Variants in NRXN1 observed in about 807,000 individuals in gnomAD.
The protein encoded by NRXN1 is neurexin 1.
NRXN1 carries 39 observed loss-of-function variants against 150.9 expected under a neutral mutation model. That is an observed-to-expected ratio of 0.26 (90% CI 0.20 to 0.34). The LOEUF is 0.34. Among genes scored for constraint, NRXN1 ranks in the 10% least tolerant of loss-of-function variants. NRXN1 has a pLI of 1.00. For missense variants in NRXN1, 1,815 were observed against 1,949.9 expected (o/e 0.93, Z 1.30); for synonymous variants, 924 against 757.0 (o/e 1.22, Z -3.62).
At chr2:50,422,740 G>T in intron 17 of NRXN1, among the ~76,000 whole-genome samples, 1 of 152,124 alleles carries the variant, frequency 6.6e-6, no homozygotes, top group Non-Finnish European at 1.5e-5. Flanking sequence ...CTGCTTAACC[G>T]TAGCAACCAG....
chr2:50,063,804 T>C (rs1218480940), intron 19 of NRXN1, among the ~76,000 whole-genome samples: 1 of 152,122 alleles, frequency 6.6e-6, no homozygotes, highest in Non-Finnish European at 1.5e-5. Flanking sequence ...GCAGGAACCA[T>C]GTCTGTCTTG....
intron 17 of NRXN1, among the ~76,000 whole-genome samples, chr2:50,418,350 C>T (rs1253039252): frequency 2.0e-5 from 3 of 152,058 alleles, no homozygotes; most frequent in Non-Finnish European, 4.4e-5. Context: ...CATTCCTCAA[C>T]ACATGGTGTA....
At chr2:50,507,493 G>A (rs2105008377) in intron 12 of NRXN1, among the ~76,000 whole-genome samples, 1 of 152,196 alleles carries the variant, frequency 6.6e-6, no homozygotes, top group South Asian at 2.1e-4. Context: ...TGGGCAAGAA[G>A]TATAACTGGG....
intron 19 of NRXN1, among the ~76,000 whole-genome samples, chr2:50,060,604 T>C (rs1305794745): frequency 2.0e-5 from 3 of 152,146 alleles, no homozygotes; most frequent in Non-Finnish European, 2.9e-5. Flanking sequence ...AAATCTCATC[T>C]TGAATTCTAG....
chr2:50,344,062 T>C (rs1273261044), intron 17 of NRXN1, among the ~76,000 whole-genome samples: 1 of 152,180 alleles, frequency 6.6e-6, no homozygotes, highest in African/African-American at 2.4e-5. Context: ...AAGGGTTCTT[T>C]ACTTGTGGGT....
chr2:50,999,589 C>T (rs1188510911), intron 2 of NRXN1, among the ~76,000 whole-genome samples: 1 of 151,956 alleles, frequency 6.6e-6, no homozygotes, highest in Non-Finnish European at 1.5e-5. Context: ...TACTCTGTCC[C>T]TTTATTTCTC....
chr2:49,940,953 TGAAA>T (rs1671872110), intron 22 of NRXN1, among the ~76,000 whole-genome samples: 1 of 152,048 alleles, frequency 6.6e-6, no homozygotes, highest in African/African-American at 2.4e-5. Context: ...AGGGACAAAC[TGAAA>T]GAGAGGAGAA....
intron 18 of NRXN1, among the ~76,000 whole-genome samples, chr2:50,190,707 A>G (rs1252027628): frequency 2.7e-5 from 4 of 149,808 alleles, no homozygotes; most frequent in African/African-American, 7.4e-5. Flanking sequence ...CCACCTCCCA[A>G]GTTCAAGCGA....
chr2:50,724,527 A>G (rs1377259615), intron 5 of NRXN1, among the ~76,000 whole-genome samples: 1 of 152,152 alleles, frequency 6.6e-6, no homozygotes, highest in Non-Finnish European at 1.5e-5. Flanking sequence ...ATGCATATTA[A>G]TGAATAAATA....
chr2:50,504,561 C>T (rs2092124626), intron 13 of NRXN1, among the ~76,000 whole-genome samples: 1 of 152,050 alleles, frequency 6.6e-6, no homozygotes, highest in Non-Finnish European at 1.5e-5. Context: ...AAATAACTTT[C>T]TAAAATACAT....
At chr2:50,609,372 C>T (rs764714662) in intron 8 of NRXN1, among the ~76,000 whole-genome samples, 1 of 151,980 alleles carries the variant, frequency 6.6e-6, no homozygotes, top group Non-Finnish European at 1.5e-5. Flanking sequence ...TGTGTGGAGC[C>T]CCATGTGACT....
intron 17 of NRXN1, among the ~76,000 whole-genome samples, chr2:50,405,386 T>G (rs1375424967): frequency 1.3e-5 from 2 of 152,104 alleles, no homozygotes; most frequent in East Asian, 3.9e-4. Context: ...ATGCTAGGTT[T>G]GGCATAGAAA....
At chr2:50,727,173 C>A (rs761766083) in intron 5 of NRXN1, among the ~76,000 whole-genome samples, 9 of 151,952 alleles carry the variant, frequency 5.9e-5, no homozygotes, top group Non-Finnish European at 1.0e-4. Flanking sequence ...GTCAAAAACC[C>A]TTATACTTAA....
At chr2:50,558,370 T>C (rs1157251805) in intron 8 of NRXN1, among the ~76,000 whole-genome samples, 2 of 152,242 alleles carry the variant, frequency 1.3e-5, no homozygotes, top group East Asian at 3.8e-4. Context: ...TCGTTTTTGA[T>C]AGCAGTTGCT....
At chr2:50,642,405 G>C (rs1684203212) in intron 5 of NRXN1, among the ~76,000 whole-genome samples, 1 of 151,972 alleles carries the variant, frequency 6.6e-6, no homozygotes, top group Non-Finnish European at 1.5e-5. Flanking sequence ...GGAGATTTGA[G>C]GAAAAGATCC....
intron 17 of NRXN1, among the ~76,000 whole-genome samples, chr2:50,315,250 GT>G (rs2075506734): frequency 6.6e-6 from 1 of 151,908 alleles, no homozygotes; most frequent in Non-Finnish European, 1.5e-5. Flanking sequence ...CAGCAGCTCC[GT>G]TTTTCTCAGA....
chr2:51,026,619 C>A, intron 2 of NRXN1: 1 of 629,218 alleles, frequency 1.6e-6, no homozygotes, highest in Non-Finnish European at 2.8e-6. Flanking sequence ...TCTTGCAATC[C>A]CTTACATGCA....
intron 18 of NRXN1, among the ~76,000 whole-genome samples, chr2:50,198,777 G>C (rs2061942252): frequency 6.6e-6 from 1 of 152,056 alleles, no homozygotes; most frequent in Non-Finnish European, 1.5e-5. Flanking sequence ...TGAGGCCCTA[G>C]GTCTTGAATA....
At chr2:50,824,299 T>G (rs1670141188) in intron 5 of NRXN1, among the ~76,000 whole-genome samples, 2 of 98,896 alleles carry the variant, frequency 2.0e-5, no homozygotes, top group Admixed American at 2.5e-4. Context: ...TCAAACCCTT[T>G]GAGTGTGTGT....
Sources: gnomAD v4.1 joint callset for allele counts (sites outside exome capture counted in the v4.1 genomes callset) on GRCh38, gnomAD v4.1.1 for gene constraint, MANE v1.5 for transcripts, NCBI Gene and HGNC (gene_info 2026-07-23, HGNC 2026-07-21) for gene names.